The following AFG2A variants were observed in gnomAD, a reference collection of about 807,000 sequenced individuals.
AFG2A encodes the protein AAA ATPase AFG2A, also known as ATPase family gene 2 protein homolog A.
the AFG2A span, among the ~76,000 whole-genome samples, chr4:123,147,631 A>G: frequency 6.6e-6 from 1 of 152,220 alleles, no homozygotes; most frequent in Non-Finnish European, 1.5e-5. Flanking sequence ...GTTTCTCTGT[A>G]CTTTATTCCA....
the AFG2A span, among the ~76,000 whole-genome samples, chr4:123,281,180 G>C: frequency 1.3e-5 from 2 of 151,982 alleles, no homozygotes; most frequent in African/African-American, 4.8e-5. Context: ...GAACTATTTT[G>C]TGGATAAAGG....
the AFG2A span, among the ~76,000 whole-genome samples, chr4:123,001,869 C>G: frequency 1.3e-5 from 2 of 151,998 alleles, no homozygotes; most frequent in African/African-American, 4.8e-5. Flanking sequence ...TGTTAACTTT[C>G]TGTCTTGTTG....
the AFG2A span, among the ~76,000 whole-genome samples, chr4:123,186,798 T>C: frequency 6.6e-6 from 1 of 152,088 alleles, no homozygotes; most frequent in African/African-American, 2.4e-5. Flanking sequence ...GGGTTGTTTC[T>C]AAGAAGTTAC....
chr4:122,978,774 G>A, the AFG2A span, among the ~76,000 whole-genome samples: 1 of 152,236 alleles, frequency 6.6e-6, no homozygotes, highest in South Asian at 2.1e-4. Context: ...AAGGGAGCTG[G>A]ACTGTCAGTG....
At chr4:123,311,027 A>T in the AFG2A span, among the ~76,000 whole-genome samples, 105,129 of 152,010 alleles carry the variant, frequency 0.69, 38,482 homozygotes, top group Non-Finnish European at 0.81. Flanking sequence ...TTTCATTAAC[A>T]CTCAGAAGTT....
chr4:123,173,651 G>T, the AFG2A span, among the ~76,000 whole-genome samples: 1 of 152,058 alleles, frequency 6.6e-6, no homozygotes, highest in African/African-American at 2.4e-5. Flanking sequence ...ACTGCACCCA[G>T]CTGGTAATTT....
chr4:122,976,257 G>A, the AFG2A span, among the ~76,000 whole-genome samples: 1 of 152,140 alleles, frequency 6.6e-6, no homozygotes, highest in African/African-American at 2.4e-5. Context: ...AACACAAAGA[G>A]CATATAGTGA....
the AFG2A span, among the ~76,000 whole-genome samples, chr4:123,185,848 G>A: frequency 3.3e-5 from 5 of 151,456 alleles, no homozygotes; most frequent in African/African-American, 9.7e-5. Flanking sequence ...CCGAGATCGC[G>A]CCACTGCACT....
chr4:123,037,530 A>G, the AFG2A span, among the ~76,000 whole-genome samples: 1 of 152,096 alleles, frequency 6.6e-6, no homozygotes, highest in Non-Finnish European at 1.5e-5. Flanking sequence ...TAAAAGTAAC[A>G]TAACTTATGA....
chr4:123,107,179 C>T, the AFG2A span, among the ~76,000 whole-genome samples: 1 of 152,188 alleles, frequency 6.6e-6, no homozygotes, highest in Non-Finnish European at 1.5e-5. Context: ...AACTCTTCTC[C>T]TTCTCATCAC....
chr4:123,219,430 C>A, the AFG2A span, among the ~76,000 whole-genome samples: 2 of 152,200 alleles, frequency 1.3e-5, no homozygotes, highest in South Asian at 2.1e-4. Context: ...CCCTCACAGA[C>A]ACACCCAGTA....
the AFG2A span, among the ~76,000 whole-genome samples, chr4:123,009,309 T>G: frequency 6.6e-6 from 1 of 152,216 alleles, no homozygotes; most frequent in African/African-American, 2.4e-5. Flanking sequence ...TATACTACAG[T>G]GCTGGCGTGA....
chr4:122,939,611 A>G, the AFG2A span, among the ~76,000 whole-genome samples: 1 of 152,064 alleles, frequency 6.6e-6, no homozygotes, highest in Non-Finnish European at 1.5e-5. Context: ...TCTTTTGCAC[A>G]TTAAAAAGCT....
chr4:123,144,885 A>G, the AFG2A span, among the ~76,000 whole-genome samples: 1 of 152,112 alleles, frequency 6.6e-6, no homozygotes, highest in Admixed American at 6.6e-5. Flanking sequence ...ATCTTTCAGT[A>G]GATGGACCTG....
At chr4:123,120,235 A>G in the AFG2A span, among the ~76,000 whole-genome samples, 4 of 152,178 alleles carry the variant, frequency 2.6e-5, no homozygotes, top group Non-Finnish European at 5.9e-5. Context: ...AATTTATAAC[A>G]TTTGAGTTTC....
the AFG2A span, among the ~76,000 whole-genome samples, chr4:123,271,766 T>G: frequency 1.3e-5 from 2 of 152,212 alleles, no homozygotes; most frequent in Non-Finnish European, 2.9e-5. Flanking sequence ...GCACATACAT[T>G]TGAATACATT....
the AFG2A span, among the ~76,000 whole-genome samples, chr4:122,962,709 A>G: frequency 4.6e-5 from 7 of 152,338 alleles, no homozygotes; most frequent in Admixed American, 3.3e-4. Flanking sequence ...AGGCTATCTA[A>G]ATAAAAGTTA....
chr4:123,061,201 C>T, the AFG2A span, among the ~76,000 whole-genome samples: 1 of 152,138 alleles, frequency 6.6e-6, no homozygotes, highest in South Asian at 2.1e-4. Flanking sequence ...CCACATTTTC[C>T]TGTTTTCTTC....
the AFG2A span, among the ~76,000 whole-genome samples, chr4:123,089,867 G>A: frequency 2.0e-5 from 3 of 152,122 alleles, no homozygotes; most frequent in Non-Finnish European, 4.4e-5. Context: ...ACAGACGTGA[G>A]CCACTGCGCC....
Sources: allele counts gnomAD v4.1 joint callset (sites outside exome capture counted in the v4.1 genomes callset), GRCh38; gene constraint gnomAD v4.1.1; transcripts MANE v1.5; gene names NCBI Gene and HGNC (gene_info 2026-07-23, HGNC 2026-07-21).